The following IBTK variants were observed in gnomAD, a reference collection of about 807,000 sequenced individuals.
IBTK encodes the protein inhibitor of Bruton tyrosine kinase.
Under a neutral mutation model 154.9 loss-of-function variants are expected in IBTK, and 83 were observed. The observed-to-expected ratio is 0.54, with a 90% CI of 0.45 to 0.64. The LOEUF is 0.64. IBTK is among the 30% of genes least tolerant of loss of function. IBTK has a pLI of 0.00. For missense variants in IBTK, 1,332 were observed against 1,584.6 expected (o/e 0.84, Z 2.71); for synonymous variants, 515 against 536.1 (o/e 0.96, Z 0.54).
intron 27 of IBTK, 108 bp from the exon 28 acceptor site, chr6:82,172,620 A>G (rs1441607944): frequency 5.4e-6 from 5 of 918,614 alleles, no homozygotes; most frequent in Non-Finnish European, 7.9e-6. Flanking sequence ...AGTGACCTAC[A>G]ATGAACGAAC....
intron 19 of IBTK, 54 bp from the exon 20 acceptor site, chr6:82,200,762 T>C (rs936726077): frequency 2.1e-6 from 3 of 1,397,848 alleles, no homozygotes; most frequent in Non-Finnish European, 1.9e-6. Flanking sequence ...AGTTTTTTTT[T>C]TTTTTTTTTT....
Position 82,182,010 on chromosome 6 carries a change from T to A in IBTK, c.3594A>T (p.Ser1198=). 6.2e-7 allele frequency: 1 copy of A among 1,602,354 alleles called. No homozygotes were observed. Among genetic ancestry groups the A allele is most frequent in the Non-Finnish European group, 8.5e-7 (1 of 1,177,834 alleles). The change falls in exon 26 of 29, where the codon TCA becomes TCT. Residue 1198 remains serine (S), a synonymous_variant. Transcript: ENST00000306270. ...PVNAWASSLH[S]VSSKSFRDFL... ...AATCCCGGAATGACTTGGATGAAAC[T>A]GAATGCAGAGAAGATGCCCTGCAAA...
At chr6:82,226,251 T>C (rs915580637) in intron 5 of IBTK, among the ~76,000 whole-genome samples, 2 of 152,048 alleles carry the variant, frequency 1.3e-5, no homozygotes, top group African/African-American at 4.8e-5. Flanking sequence ...CTTAAGGTAA[T>C]ATTATATATG....
chr6:82,246,421 A>G (rs1582269751), intron 1 of IBTK, among the ~76,000 whole-genome samples: 1 of 140,546 alleles, frequency 7.1e-6, no homozygotes, highest in East Asian at 2.1e-4. Context: ...GGCCTCCCAG[A>G]CTGCTGGGAT....
At chr6:82,246,538 G>A (rs1420526167) in intron 1 of IBTK, among the ~76,000 whole-genome samples, 1 of 143,860 alleles carries the variant, frequency 7.0e-6, no homozygotes, top group Non-Finnish European at 1.5e-5. Flanking sequence ...TCCACCTCCC[G>A]GGTTCAAGCA....
chr6:82,245,868 G>A (rs989464247), intron 1 of IBTK, among the ~76,000 whole-genome samples: 4 of 152,126 alleles, frequency 2.6e-5, no homozygotes, highest in Admixed American at 2.6e-4. Context: ...AACAGATAGG[G>A]AAACTAGAAA....
chr6:82,247,119 C>G (rs1165185544), intron 1 of IBTK, among the ~76,000 whole-genome samples: 1 of 152,210 alleles, frequency 6.6e-6, no homozygotes, highest in Non-Finnish European at 1.5e-5. Flanking sequence ...GTCCACTTAT[C>G]AGATTTCACG....
At chr6:82,212,081 G>A (rs1346744724) in intron 13 of IBTK, among the ~76,000 whole-genome samples, 2 of 151,796 alleles carry the variant, frequency 1.3e-5, no homozygotes, top group Non-Finnish European at 2.9e-5. Context: ...TGCAACCTCC[G>A]CCTCCCGAGT....
chr6:82,179,284 C>A (rs965789892), intron 26 of IBTK, among the ~76,000 whole-genome samples: 2 of 152,160 alleles, frequency 1.3e-5, no homozygotes, highest in Non-Finnish European at 2.9e-5. Flanking sequence ...TCCGAAAAAA[C>A]AGGCTGTTCT....
chr6:82,185,549 A>G (rs531478935), intron 25 of IBTK, among the ~76,000 whole-genome samples: 2 of 150,772 alleles, frequency 1.3e-5, no homozygotes, highest in Admixed American at 6.7e-5. Flanking sequence ...AAAAAGTTCC[A>G]ATTTTTTCTT....
At position 82,194,505 on chromosome 6, in the gene IBTK, A is replaced by C; in HGVS notation, c.3312T>G (p.Ser1104=). The change falls in exon 23 of 29, where the codon TCT becomes TCG. Residue 1104 remains serine (S), a synonymous_variant. Transcript: ENST00000306270. ...TGAAAGAACCAGCAACCCAACTGGC[A>C]GAGCTGGTAGTATCAATTCTGTTAC... ...IPSNRIDTTS[S]ASWVAGSFSP... 1.9e-6 allele frequency: 3 copies of C among 1,587,870 alleles called. No homozygotes were observed. The highest frequency in any genetic ancestry group is 2.6e-6 in the Non-Finnish European group (3 of 1,168,130).
chr6:82,246,441 C>CTTTTTTTTTT (rs1554189129), intron 1 of IBTK, among the ~76,000 whole-genome samples: 4 of 111,676 alleles, frequency 3.6e-5, no homozygotes, highest in South Asian at 3.0e-4. Flanking sequence ...TTACAGGCAT[C>CTTTTTTTTTT]TTTTTTTTTT....
chr6:82,244,091 C>T lies in IBTK; in HGVS notation c.-357-3248G>A, dbSNP rs560641915. ...AAAAAATGACATAATCTCTCCAAGT[C>T]GTTTCTTCATCTGAAAATAGAAACA... On this transcript the variant is annotated intron_variant, in intron 1 of 28. Coordinates refer to ENST00000306270, the MANE Select transcript of IBTK (RefSeq NM_015525.4). Among the ~76,000 whole-genome samples, 489 of 152,258 alleles carry T rather than the reference C, an allele frequency of 3.2e-3. 1 individual carries two copies. In the Middle Eastern group the frequency reaches 0.034, roughly 11 times the overall value.
rs1184967909 is a variant in IBTK, at chr6:82,214,655, C to T, written c.1776G>A (p.Leu592=). Residue 592 remains leucine (L), a synonymous_variant, in exon 12 of 29, where the codon TTG becomes TTA. Coordinates refer to ENST00000306270, the MANE Select transcript of IBTK (RefSeq NM_015525.4). The part of the protein sequence containing the change: ...LAVHSDFFQK[L]FLSDGNTSEF... ...CTGAAGTATTACCATCTGAAAGAAA[C>T]AATTTCTGAAAAAAATCAGAATGCA... 6.2e-7 allele frequency: 1 copy of T among 1,613,756 alleles called. No homozygotes were observed. Among genetic ancestry groups the T allele is most frequent in the African/African-American group, 1.3e-5 (1 of 74,884 alleles).
chr6:82,226,381 A>C (rs900981693), intron 5 of IBTK, among the ~76,000 whole-genome samples: 2 of 152,174 alleles, frequency 1.3e-5, no homozygotes, highest in Non-Finnish European at 2.9e-5. Context: ...AGTCCCCACA[A>C]AAAACATCTT....
In IBTK at chr6:82,246,379, GA is replaced by G. The variant is rs376036987; in HGVS notation, c.-358+1182del. ...GACGGGGTTTCACCAAGTTGGCCTCGAACTCCTGACCTCAAGTGATCCGCCC... is the reference window on the plus strand; with the variant it reads ...GACGGGGTTTCACCAAGTTGGCCTCGACTCCTGACCTCAAGTGATCCGCCC... On this transcript the variant is annotated intron_variant, in intron 1 of 28. Transcript: ENST00000306270. Among the ~76,000 whole-genome samples, 269 of 149,522 alleles carry G rather than the reference GA, an allele frequency of 1.8e-3. 10 individuals carry two copies. In the South Asian group the frequency reaches 0.041, roughly 23 times the overall value.
chr6:82,242,424 T>C (rs1234674911), intron 1 of IBTK, among the ~76,000 whole-genome samples: 1 of 151,572 alleles, frequency 6.6e-6, no homozygotes, highest in Non-Finnish European at 1.5e-5. Flanking sequence ...CCCAAACCTA[T>C]ACCCCCTAAA....
At chr6:82,198,307 T>C (rs1429912923) in intron 21 of IBTK, among the ~76,000 whole-genome samples, 1 of 152,162 alleles carries the variant, frequency 6.6e-6, no homozygotes, top group African/African-American at 2.4e-5. Context: ...TGCCTCCTTC[T>C]AAACACTAAC....
intron 25 of IBTK, among the ~76,000 whole-genome samples, chr6:82,183,868 GA>G (rs1447866010): frequency 6.6e-6 from 1 of 152,188 alleles, no homozygotes; most frequent in Non-Finnish European, 1.5e-5. Context: ...CATTATCACT[GA>G]GAATGGTTAA....
Sources: gnomAD v4.1 joint callset for allele counts (sites outside exome capture counted in the v4.1 genomes callset) on GRCh38, gnomAD v4.1.1 for gene constraint, MANE v1.5 for transcripts, NCBI Gene and HGNC (gene_info 2026-07-23, HGNC 2026-07-21) for gene names.